Variants in DAB1 observed in about 807,000 individuals in gnomAD.
The protein encoded by DAB1 is DAB adaptor protein 1, also known as disabled homolog 1.
DAB1 carries 15 observed loss-of-function variants against 64.6 expected under a neutral mutation model. The observed-to-expected ratio is 0.23, with a 90% CI of 0.16 to 0.36. DAB1 has a LOEUF of 0.36. DAB1 is among the 10% of genes least tolerant of loss of function. DAB1 has a pLI of 1.00. For missense variants in DAB1, 596 were observed against 706.7 expected, an observed-to-expected ratio of 0.84 and a Z score of 1.78; for synonymous variants, 235 against 251.9, an observed-to-expected ratio of 0.93 and a Z score of 0.64.
intron 6 of DAB1, among the ~76,000 whole-genome samples, chr1:57,784,007 G>T (rs1010866795): frequency 6.6e-6 from 1 of 152,170 alleles, no homozygotes; most frequent in Non-Finnish European, 1.5e-5. Context: ...GAAAGGAAGA[G>T]TCATATATCT....
chr1:57,866,593 C>T (rs996489361), intron 1 of DAB1, among the ~76,000 whole-genome samples: 1 of 152,090 alleles, frequency 6.6e-6, no homozygotes, highest in African/African-American at 2.4e-5. Context: ...CTATCTAACC[C>T]AGAGGAAGTT....
At chr1:58,224,489 A>T (rs966830913) in intron 4 of DAB1, among the ~76,000 whole-genome samples, 1 of 152,186 alleles carries the variant, frequency 6.6e-6, no homozygotes, top group African/African-American at 2.4e-5. Context: ...GCATCTTCTG[A>T]GTAGATAGTA....
At chr1:58,473,098 C>T (rs1468887971) in intron 3 of DAB1, among the ~76,000 whole-genome samples, 1 of 152,154 alleles carries the variant, frequency 6.6e-6, no homozygotes, top group Admixed American at 6.5e-5. Context: ...CTTTACAAAC[C>T]ATCCAACCAG....
chr1:58,481,213 T>A lies in DAB1; in HGVS notation n.257+24847A>T, dbSNP rs373062346. 573 of 650,718 alleles carry A rather than the reference T, an allele frequency of 8.8e-4. 11 individuals carry two copies. In the South Asian group the frequency reaches 0.013, roughly 14 times the overall value. The allele number at this position is 650,718 out of a possible 1,614,324, so 40.3% of individuals were successfully genotyped here. ...ATAAAATAAAAAAATACTATATATATACATCAATGTATTCAGATTGTTTCA... is the reference window on the plus strand; with the variant it reads ...ATAAAATAAAAAAATACTATATATAAACATCAATGTATTCAGATTGTTTCA... On this transcript the variant is annotated intron_variant and non_coding_transcript_variant, in intron 3 of 20. Transcript: ENST00000485760.
At chr1:58,284,752 A>G (rs1299565922) in intron 4 of DAB1, among the ~76,000 whole-genome samples, 2 of 152,264 alleles carry the variant, frequency 1.3e-5, no homozygotes, top group Non-Finnish European at 2.9e-5. Flanking sequence ...CTCAGAAATA[A>G]TATGAGATCT....
At chr1:57,854,662 G>A (rs1395738648) in intron 1 of DAB1, among the ~76,000 whole-genome samples, 1 of 152,176 alleles carries the variant, frequency 6.6e-6, no homozygotes, top group African/African-American at 2.4e-5. Context: ...CTTGCAAGCT[G>A]GTGGTCTGGT....
intron 4 of DAB1, among the ~76,000 whole-genome samples, chr1:58,316,705 C>T (rs1662565894): frequency 6.6e-6 from 1 of 152,150 alleles, no homozygotes; most frequent in Admixed American, 6.5e-5. Context: ...AGCACCTGGA[C>T]CACAGCAGCA....
intron 7 of DAB1, among the ~76,000 whole-genome samples, chr1:57,514,292 C>T (rs1644438849): frequency 6.6e-6 from 1 of 152,190 alleles, no homozygotes; most frequent in Admixed American, 6.5e-5. Context: ...TACTAATTTG[C>T]ATTCCCACCA....
intron 5 of DAB1, among the ~76,000 whole-genome samples, chr1:58,039,273 C>A (rs773266358): frequency 6.6e-6 from 1 of 152,158 alleles, no homozygotes; most frequent in South Asian, 2.1e-4. Context: ...TATACCTGAG[C>A]CAGGAACCAG....
chr1:57,207,446 C>CT (rs772989513), intron 2 of DAB1, among the ~76,000 whole-genome samples: 3,334 of 98,444 alleles, frequency 0.034, 593 homozygotes, highest in African/African-American at 0.04. Flanking sequence ...TATTTCCTTT[C>CT]TTTTTTTTTT....
chr1:57,934,261 G>A (rs968091648), intron 5 of DAB1, among the ~76,000 whole-genome samples: 1 of 152,062 alleles, frequency 6.6e-6, no homozygotes, highest in South Asian at 2.1e-4. Context: ...TGGGGAGAGT[G>A]TAGTGGTAGC....
At chr1:58,109,646 G>A (rs756236161) in intron 5 of DAB1, among the ~76,000 whole-genome samples, 11 of 151,874 alleles carry the variant, frequency 7.2e-5, no homozygotes, top group Admixed American at 7.2e-4. Flanking sequence ...TCATACTCAC[G>A]TGGGCCAAGG....
chr1:57,322,765 C>A (rs568781385), intron 1 of DAB1, among the ~76,000 whole-genome samples: 1 of 152,222 alleles, frequency 6.6e-6, no homozygotes, highest in African/African-American at 2.4e-5. Flanking sequence ...ACACAATAAG[C>A]GTGATGACAG....
intron 6 of DAB1, among the ~76,000 whole-genome samples, chr1:57,812,181 C>A (rs1651651233): frequency 6.6e-6 from 1 of 151,740 alleles, no homozygotes; most frequent in Non-Finnish European, 1.5e-5. Flanking sequence ...TATAAAAAGA[C>A]AAAATTCCTG....
At chr1:57,789,295 G>A (rs1237747646) in intron 6 of DAB1, among the ~76,000 whole-genome samples, 2 of 152,136 alleles carry the variant, frequency 1.3e-5, no homozygotes, top group South Asian at 2.1e-4. Flanking sequence ...GGGCCCACGC[G>A]AGAAGAGGTA....
intron 7 of DAB1, among the ~76,000 whole-genome samples, chr1:57,540,188 GA>G (rs1319880722): frequency 6.6e-6 from 1 of 152,014 alleles, no homozygotes; most frequent in African/African-American, 2.4e-5. Context: ...ACAGGTATAT[GA>G]AAAAATGTTC....
intron 4 of DAB1, among the ~76,000 whole-genome samples, chr1:58,211,040 T>G (rs1658528016): frequency 1.3e-5 from 2 of 152,034 alleles, no homozygotes; most frequent in African/African-American, 2.4e-5. Flanking sequence ...CATGGCTTGA[T>G]GGAGGAACAT....
chr1:57,418,640 C>T (rs902889333), intron 1 of DAB1, among the ~76,000 whole-genome samples: 1 of 152,114 alleles, frequency 6.6e-6, no homozygotes, highest in African/African-American at 2.4e-5. Context: ...AAATTTTCGT[C>T]ATTTTAGCTG....
intron 1 of DAB1, among the ~76,000 whole-genome samples, chr1:57,353,257 A>G (rs542012746): frequency 6.6e-6 from 1 of 152,070 alleles, no homozygotes; most frequent in East Asian, 1.9e-4. Context: ...TATTCAGCAG[A>G]TATTCACTGA....
Sources: allele counts gnomAD v4.1 joint callset (sites outside exome capture counted in the v4.1 genomes callset), GRCh38; gene constraint gnomAD v4.1.1; transcripts MANE v1.5; gene names NCBI Gene and HGNC (gene_info 2026-07-23, HGNC 2026-07-21).